Variants in RIMS2 observed in about 807,000 individuals in gnomAD.
RIMS2 encodes regulating synaptic membrane exocytosis protein 2.
RIMS2 carries 59 observed loss-of-function variants against 174.4 expected under a neutral mutation model. The observed-to-expected ratio is 0.34, with a 90% CI of 0.27 to 0.42. The LOEUF (loss-of-function observed/expected upper bound fraction) is 0.42, where lower values mean the gene tolerates loss of function less well. Among genes scored for constraint, RIMS2 ranks in the 10% least tolerant of loss-of-function variants. The pLI, the probability that RIMS2 is intolerant of heterozygous loss-of-function variation, is 1.00. For synonymous variants in RIMS2, 606 were observed against 572.5 expected (o/e 1.06, Z -0.84); for missense variants, 1,620 against 1,666.3 (o/e 0.97, Z 0.48).
intron 1 of RIMS2, among the ~76,000 whole-genome samples, chr8:103,554,654 TATA>T (rs557169271): frequency 1.3e-4 from 20 of 152,240 alleles, no homozygotes; most frequent in African/African-American, 4.6e-4. Flanking sequence ...AAAACAGAAG[TATA>T]ATTCGACCCA....
At chr8:103,531,841 T>TA (rs1837319147) in intron 1 of RIMS2, among the ~76,000 whole-genome samples, 1 of 152,224 alleles carries the variant, frequency 6.6e-6, no homozygotes. Flanking sequence ...CCATGGTATT[T>TA]ACAGTTGCTA....
chr8:103,595,551 A>T (rs969802099), intron 1 of RIMS2, among the ~76,000 whole-genome samples: 3 of 151,950 alleles, frequency 2.0e-5, no homozygotes, highest in Non-Finnish European at 2.9e-5. Flanking sequence ...CTATGAAGTA[A>T]GAAGAGAAGT....
At chr8:104,050,372 T>G (rs903334016) in intron 19 of RIMS2, among the ~76,000 whole-genome samples, 1 of 152,290 alleles carries the variant, frequency 6.6e-6, no homozygotes, top group East Asian at 1.9e-4. Flanking sequence ...TAGTTTTAAG[T>G]GCTCTTATTT....
chr8:104,068,600 T>A lies in RIMS2; in HGVS notation c.3334+53985T>A, dbSNP rs1205068772. 4 of 1,535,634 alleles carry A rather than the reference T, an allele frequency of 2.6e-6. No individual in the cohort carries two copies. In the South Asian group the frequency reaches 4.7e-5, roughly 18 times the overall value. On this transcript the variant is annotated intron_variant, in intron 19 of 23. Transcript: ENST00000504942. ...GATCAGATCCCAGACTGGAACAAGATTACCATTCGAAGGCAAGACATTTTT... is the reference window on the plus strand; with the variant it reads ...GATCAGATCCCAGACTGGAACAAGAATACCATTCGAAGGCAAGACATTTTT...
At chr8:103,516,614 C>T (rs944514862) in intron 1 of RIMS2, among the ~76,000 whole-genome samples, 26 of 151,960 alleles carry the variant, frequency 1.7e-4, no homozygotes, top group African/African-American at 5.8e-4. Context: ...AATTTATATC[C>T]TATGTGGGAC....
chr8:103,765,300 T>C (rs1272592815), intron 2 of RIMS2, among the ~76,000 whole-genome samples: 1 of 152,154 alleles, frequency 6.6e-6, no homozygotes, highest in East Asian at 1.9e-4. Flanking sequence ...AATTACAATA[T>C]GTTTAGATTT....
intron 9 of RIMS2, among the ~76,000 whole-genome samples, chr8:103,919,698 A>G (rs2077239334): frequency 6.6e-6 from 1 of 152,084 alleles, no homozygotes; most frequent in South Asian, 2.1e-4. Flanking sequence ...TTACTTTCAT[A>G]TTTACAATTA....
chr8:103,967,247 G>GAT (rs1347942394), intron 15 of RIMS2, among the ~76,000 whole-genome samples: 7 of 130,354 alleles, frequency 5.4e-5, no homozygotes, highest in African/African-American at 2.0e-4. Flanking sequence ...GCAACAGTGC[G>GAT]ATCTTGGCTC....
intron 1 of RIMS2, among the ~76,000 whole-genome samples, chr8:103,574,047 T>C (rs911131084): frequency 1.3e-5 from 2 of 152,010 alleles, no homozygotes; most frequent in African/African-American, 4.8e-5. Flanking sequence ...ATGTTCCCGA[T>C]TGGCCATTGA....
chr8:103,635,598 T>C (rs1419900817), intron 1 of RIMS2, among the ~76,000 whole-genome samples: 2 of 152,174 alleles, frequency 1.3e-5, no homozygotes, highest in African/African-American at 4.8e-5. Context: ...TCTGGGAGCT[T>C]TGTCACAGGG....
At position 104,002,689 on chromosome 8, in the gene RIMS2, G is replaced by A. The variant is rs544883414; in HGVS notation, c.3045-10753G>A. 4.2e-4 allele frequency among the ~76,000 whole-genome samples: 64 copies of A among 152,246 alleles called. 2 individuals carry two copies. The South Asian group carries it at 0.012, about 29-fold the overall frequency. ...GATATCTGGAACTTTCTAAATGAAT[G>A]GGATGAAGGTAGTAAATTTAACATG... On this transcript the variant is annotated intron_variant, in intron 17 of 23. Coordinates refer to ENST00000504942, the Ensembl canonical transcript of RIMS2.
intron 1 of RIMS2, among the ~76,000 whole-genome samples, chr8:103,689,788 G>T (rs1456300691): frequency 2.0e-5 from 3 of 151,898 alleles, no homozygotes; most frequent in African/African-American, 7.3e-5. Context: ...CTGTGATTAT[G>T]GTGTATAAAC....
At chr8:103,825,446 A>ATTTTTTTT (rs35460743) in intron 3 of RIMS2, among the ~76,000 whole-genome samples, 9 of 131,826 alleles carry the variant, frequency 6.8e-5, no homozygotes, top group African/African-American at 8.6e-5. Flanking sequence ...TGGCTAGCTA[A>ATTTTTTTT]TTTTTTTTTT....
intron 2 of RIMS2, among the ~76,000 whole-genome samples, chr8:103,702,113 C>T (rs1431390785): frequency 1.3e-5 from 2 of 152,012 alleles, no homozygotes; most frequent in East Asian, 1.9e-4. Flanking sequence ...TTTTCTTTTT[C>T]ATAATTGTGA....
intron 19 of RIMS2, among the ~76,000 whole-genome samples, chr8:104,130,641 C>T (rs2098466902): frequency 6.6e-6 from 1 of 152,052 alleles, no homozygotes; most frequent in African/African-American, 2.4e-5. Flanking sequence ...AAGATAAGAG[C>T]AAATTGGCAA....
intron 3 of RIMS2, among the ~76,000 whole-genome samples, chr8:103,842,027 A>G (rs2154487164): frequency 6.6e-6 from 1 of 152,310 alleles, no homozygotes; most frequent in Admixed American, 6.5e-5. Flanking sequence ...CAGCACTAAC[A>G]TTACTTCTAG....
intron 1 of RIMS2, among the ~76,000 whole-genome samples, chr8:103,543,476 G>C (rs1192032932): frequency 6.6e-6 from 1 of 152,100 alleles, no homozygotes; most frequent in Non-Finnish European, 1.5e-5. Context: ...AAAATTCCAT[G>C]ATATTTTTCA....
intron 1 of RIMS2, among the ~76,000 whole-genome samples, chr8:103,665,000 A>G (rs1226773650): frequency 6.6e-6 from 1 of 152,230 alleles, no homozygotes; most frequent in Non-Finnish European, 1.5e-5. Context: ...GCTGGAAACC[A>G]TCATTCTAAG....
chr8:103,853,436 G>T (rs2099010297), intron 3 of RIMS2, among the ~76,000 whole-genome samples: 1 of 152,014 alleles, frequency 6.6e-6, no homozygotes, highest in African/African-American at 2.4e-5. Context: ...TGCTCTTGGG[G>T]ATTTAGCCAA....
Sources: allele counts gnomAD v4.1 joint callset (sites outside exome capture counted in the v4.1 genomes callset), GRCh38; gene constraint gnomAD v4.1.1; transcripts MANE v1.5; gene names NCBI Gene and HGNC (gene_info 2026-07-23, HGNC 2026-07-21).